The following PTK2 variants were observed in gnomAD, a reference collection of about 807,000 sequenced individuals.
The protein encoded by PTK2 is protein tyrosine kinase 2.
Under a neutral mutation model 150.1 loss-of-function variants are expected in PTK2, and 45 were observed. The ratio of observed to expected loss-of-function variants is 0.30; its 90% CI spans 0.24 to 0.38. PTK2 has a LOEUF of 0.38. Ranked by LOEUF, PTK2 falls within the 10% of genes least tolerant of loss-of-function variation. The probability of loss-of-function intolerance (pLI) is 1.00; values close to 1 mark genes in which losing one functional copy is unlikely to be tolerated. For missense variants in PTK2, 919 were observed against 1,307.3 expected (o/e 0.70, Z 4.58); for synonymous variants, 432 against 449.2 (o/e 0.96, Z 0.48).
At chr8:140,732,005 T>G (rs1358572997) in intron 22 of PTK2, among the ~76,000 whole-genome samples, 1 of 152,212 alleles carries the variant, frequency 6.6e-6, no homozygotes, top group Non-Finnish European at 1.5e-5. Flanking sequence ...GGAAGGAGAA[T>G]TCTTTCGAGG....
chr8:140,922,898 T>A (rs1406120078), intron 2 of PTK2, among the ~76,000 whole-genome samples: 1 of 152,080 alleles, frequency 6.6e-6, no homozygotes, highest in Non-Finnish European at 1.5e-5. Context: ...ACTGAACACC[T>A]GCCACAGGAC....
chr8:140,684,345 G>A (rs555541204), intron 27 of PTK2, among the ~76,000 whole-genome samples: 145 of 152,322 alleles, frequency 9.5e-4, no homozygotes, highest in Non-Finnish European at 1.9e-3. Flanking sequence ...ACATGCCTAC[G>A]AGAATCTAAT....
chr8:140,679,003 G>GTT lies in PTK2; in HGVS notation c.2563-3506_2563-3505dup, dbSNP rs533089786. ...TCACGGCCAGCTGAGTGCTCCCCAT[G>GTT]TTTTTTTTTTTTTTTTTTTTTTTTT... is the stretch of plus-strand genomic sequence containing the variant. On this transcript the variant is annotated intron_variant, in intron 27 of 31. Transcript: ENST00000522684. Among the ~76,000 whole-genome samples the GTT allele has an allele frequency of 1.7e-4, 12 of 69,006 alleles. 2 individuals are homozygous for GTT. The highest frequency in any genetic ancestry group is 2.0e-4 in the Non-Finnish European group (8 of 39,314). The allele number at this position is 69,006 out of a possible 152,430, so 45.3% of individuals were successfully genotyped here. A position where few individuals can be genotyped will look rare whatever the true frequency, so the allele number is the denominator to read the frequency against.
chr8:140,709,996 T>C (rs2100035880), intron 23 of PTK2, among the ~76,000 whole-genome samples: 1 of 152,030 alleles, frequency 6.6e-6, no homozygotes, highest in South Asian at 2.1e-4. Context: ...CAATAAAAAA[T>C]AATACAAACA....
At chr8:140,838,122 T>A (rs573966482) in intron 7 of PTK2, among the ~76,000 whole-genome samples, 22 of 152,296 alleles carry the variant, frequency 1.4e-4, no homozygotes, top group African/African-American at 5.1e-4. Context: ...ACAACTGAGT[T>A]TGACTTTAAA....
At chr8:140,700,833 T>A (rs1279555044) in intron 26 of PTK2, 58 bp downstream of exon 29, 3 of 1,579,754 alleles carry the variant, frequency 1.9e-6, no homozygotes, top group Non-Finnish European at 2.6e-6. Flanking sequence ...TAATTTGCAA[T>A]ATAGTAGACT....
chr8:140,741,974 T>C (rs774077379), intron 20 of PTK2, among the ~76,000 whole-genome samples: 2 of 151,038 alleles, frequency 1.3e-5, no homozygotes, highest in Admixed American at 6.6e-5. Context: ...CAAAACTCCA[T>C]CTCTACAAAA....
chr8:140,790,118 G>T (rs940406533), intron 13 of PTK2, among the ~76,000 whole-genome samples: 2 of 152,060 alleles, frequency 1.3e-5, no homozygotes, highest in Non-Finnish European at 2.9e-5. Flanking sequence ...AAAAGTCTTG[G>T]TGCCGTTTAA....
chr8:140,813,331 G>GA (rs1171829913), intron 10 of PTK2, among the ~76,000 whole-genome samples: 5 of 151,702 alleles, frequency 3.3e-5, no homozygotes, highest in Non-Finnish European at 7.4e-5. Flanking sequence ...GCTTTGAAAT[G>GA]AATGAGAACC....
chr8:140,968,794 C>T (rs2100186212), intron 1 of PTK2, among the ~76,000 whole-genome samples: 1 of 152,142 alleles, frequency 6.6e-6, no homozygotes, highest in African/African-American at 2.4e-5. Context: ...TGTTGTCTAC[C>T]TGAGAAAAAC....
rs752002585 is a variant in PTK2 at position 140,660,448 on chromosome 8, G to A, written c.2947-770C>T. Among the ~76,000 whole-genome samples, 50 of 152,182 alleles carry A rather than the reference G, an allele frequency of 3.3e-4. 1 individual carries two copies. The highest frequency in any genetic ancestry group is 5.9e-5 in the Non-Finnish European group (4 of 68,030). On this transcript the variant is annotated intron_variant, in intron 31 of 31. Coordinates refer to ENST00000522684, the Ensembl canonical transcript of PTK2. Reference sequence around the variant, plus strand: ...AATGGTTTAAGGATGGTGGCAGGGCGCAGTGGCTCACTCCTGTACAATTTC... The same window carrying A: ...AATGGTTTAAGGATGGTGGCAGGGCACAGTGGCTCACTCCTGTACAATTTC...
chr8:140,722,232 C>T (rs1437270550), intron 22 of PTK2, among the ~76,000 whole-genome samples: 1 of 152,154 alleles, frequency 6.6e-6, no homozygotes, highest in East Asian at 1.9e-4. Context: ...CCTGGCCTCC[C>T]AAAGTGCTGG....
intron 7 of PTK2, among the ~76,000 whole-genome samples, chr8:140,831,173 T>C (rs544239993): frequency 6.6e-6 from 1 of 152,352 alleles, no homozygotes; most frequent in African/African-American, 2.4e-5. Context: ...TTGATCATTA[T>C]TATCAAGAAC....
intron 1 of PTK2, among the ~76,000 whole-genome samples, chr8:140,975,580 T>C (rs1159979439): frequency 3.9e-5 from 6 of 152,148 alleles, no homozygotes; most frequent in Non-Finnish European, 4.4e-5. Context: ...GAATGATTTT[T>C]ACATTATTAA....
intron 29 of PTK2, among the ~76,000 whole-genome samples, chr8:140,671,555 A>G (rs1354085233): frequency 6.6e-6 from 1 of 151,972 alleles, no homozygotes; most frequent in East Asian, 1.9e-4. Context: ...TTCTTTTAGG[A>G]TGGATTCAAT....
intron 18 of PTK2, 90 bp from the exon 22 acceptor site, chr8:140,744,857 T>C (rs993485516): frequency 1.3e-5 from 8 of 622,996 alleles, no homozygotes; most frequent in Non-Finnish European, 2.2e-5. Context: ...CATTCAACAA[T>C]AATGCTGTTT....
chr8:140,812,789 C>A (rs1202766984), intron 10 of PTK2, among the ~76,000 whole-genome samples: 1 of 152,048 alleles, frequency 6.6e-6, no homozygotes, highest in East Asian at 1.9e-4. Context: ...CAAAGAAGGG[C>A]ATTACATAAT....
rs144303740 is a variant in PTK2, at chr8:140,682,174, G to A, written c.2562+4458C>T. Among the ~76,000 whole-genome samples the A allele has an allele frequency of 2.1e-4, 32 of 152,220 alleles. 1 individual carries two copies. Among genetic ancestry groups the A allele is most frequent in the African/African-American group, 7.2e-4 (30 of 41,528 alleles). The stretch of plus-strand genomic sequence containing the variant: ...GGCCAGGTGGATCACTTGAAGTCAG[G>A]AGTTTGAGACCAGCCTGGCCAACAT... On this transcript the variant is annotated intron_variant, in intron 27 of 31. Transcript: ENST00000522684.
intron 1 of PTK2, among the ~76,000 whole-genome samples, chr8:140,985,200 T>C (rs1345046331): frequency 2.0e-5 from 3 of 152,194 alleles, no homozygotes; most frequent in Non-Finnish European, 4.4e-5. Context: ...CATAACTCAC[T>C]GCAGCCTCAA....
Sources: gnomAD v4.1 joint callset for allele counts (sites outside exome capture counted in the v4.1 genomes callset) on GRCh38, gnomAD v4.1.1 for gene constraint, MANE v1.5 for transcripts, NCBI Gene and HGNC (gene_info 2026-07-23, HGNC 2026-07-21) for gene names.